The following BLVRB variants were observed in gnomAD, a reference collection of about 807,000 sequenced individuals.
BLVRB encodes the protein flavin reductase (NADPH).
In BLVRB, 25 loss-of-function variants were observed where a neutral mutation model predicts 21.1. The ratio of observed to expected loss-of-function variants is 1.19; its 90% CI spans 0.86 to 1.66. The LOEUF (loss-of-function observed/expected upper bound fraction) is 1.66, where lower values mean the gene tolerates loss of function less well. BLVRB is among the 40% of genes most tolerant of loss of function. BLVRB has a pLI of 0.00. For synonymous variants in BLVRB, 128 were observed against 122.2 expected, an observed-to-expected ratio of 1.05 and a Z score of -0.31; for missense variants, 274 against 282.7, an observed-to-expected ratio of 0.97 and a Z score of 0.22.
intron 4 of BLVRB, 116 bp from the exon 5 acceptor site, chr19:40,448,162 TCA>T (rs2079722671): frequency 8.8e-7 from 1 of 1,137,264 alleles, no homozygotes; most frequent in African/African-American, 1.6e-5. Context: ...CTGGGTGGTG[TCA>T]CAGCCAAGAA....
intron 1 of BLVRB, among the ~76,000 whole-genome samples, chr19:40,463,553 C>A (rs1203054809): frequency 3.5e-5 from 5 of 142,738 alleles, no homozygotes; most frequent in African/African-American, 1.3e-4. Flanking sequence ...CTCCCTCCCT[C>A]CTTCCCTCCC....
At chr19:40,460,741 G>A (rs1387129527) in intron 1 of BLVRB, among the ~76,000 whole-genome samples, 1 of 152,212 alleles carries the variant, frequency 6.6e-6, no homozygotes, top group Non-Finnish European at 1.5e-5. Flanking sequence ...GGGAGGCCAA[G>A]GCAGGTGGAT....
At chr19:40,461,984 T>G (rs554563823) in intron 1 of BLVRB, among the ~76,000 whole-genome samples, 2 of 152,278 alleles carry the variant, frequency 1.3e-5, no homozygotes, top group South Asian at 2.1e-4. Context: ...ACCCTGTGGG[T>G]CCAGGGACTG....
chr19:40,465,402 A>G (rs1381260242), intron 1 of BLVRB, among the ~76,000 whole-genome samples: 3 of 152,164 alleles, frequency 2.0e-5, no homozygotes, highest in Non-Finnish European at 2.9e-5. Flanking sequence ...CCCGGGGCCA[A>G]TTCCTCTCTG....
Position 40,458,362 on chromosome 19 carries a change from C to T in BLVRB, c.244+19G>A, listed in dbSNP as rs867193418. 23 of 1,549,370 alleles carry T rather than the reference C, an allele frequency of 1.5e-5. No individual in the cohort carries two copies. The highest frequency in any genetic ancestry group is 2.0e-4 in the Middle Eastern group (1 of 5,058). ...CCGAGGTGTAGGGGAGGGCCGTGGG[C>T]AGAGGGGGGGCTCAGTACTGAGGTC... On this transcript the variant is annotated intron_variant, in intron 2 of 4. Transcript: ENST00000263368.
intron 1 of BLVRB, among the ~76,000 whole-genome samples, chr19:40,465,360 C>G (rs1244054463): frequency 6.6e-6 from 1 of 152,226 alleles, no homozygotes. Context: ...TGGACTTACA[C>G]ACGACTGTGC....
intron 1 of BLVRB, among the ~76,000 whole-genome samples, chr19:40,463,562 C>T (rs534797335): frequency 1.4e-5 from 2 of 141,366 alleles, no homozygotes; most frequent in African/African-American, 5.2e-5. Flanking sequence ...TCCTTCCCTC[C>T]CTTCTTTCCT....
intron 3 of BLVRB, among the ~76,000 whole-genome samples, chr19:40,454,841 G>A (rs914705336): frequency 6.6e-6 from 1 of 151,740 alleles, no homozygotes; most frequent in African/African-American, 2.4e-5. Context: ...CACAGCACCC[G>A]GCTGTTTTGT....
intron 1 of BLVRB, 152 bp from the exon 2 acceptor site, chr19:40,458,697 GTTTGT>G: frequency 9.1e-7 from 1 of 1,099,686 alleles, no homozygotes; most frequent in South Asian, 1.7e-5. Context: ...TTTTCTTTTT[GTTTGT>G]TTTGTTTTTG....
intron 3 of BLVRB, among the ~76,000 whole-genome samples, chr19:40,456,918 C>T: frequency 6.7e-6 from 1 of 149,792 alleles, no homozygotes; most frequent in Non-Finnish European, 1.5e-5. Flanking sequence ...CAGACTTCAT[C>T]TCAAAGAAAA....
intron 3 of BLVRB, chr19:40,457,882 C>G: frequency 2.4e-6 from 1 of 423,340 alleles, no homozygotes; most frequent in Non-Finnish European, 4.0e-6. Flanking sequence ...ATCCCCTCTG[C>G]CTGCCTCCCG....
intron 4 of BLVRB, chr19:40,450,580 A>G (rs2079735111): frequency 6.7e-6 from 1 of 149,094 alleles, no homozygotes; most frequent in Non-Finnish European, 1.5e-5. Flanking sequence ...ACAGGGTCTC[A>G]CTCTATTACC....
chr19:40,448,634 T>G (rs2079725667), intron 4 of BLVRB, among the ~76,000 whole-genome samples: 1 of 144,102 alleles, frequency 6.9e-6, no homozygotes, highest in Non-Finnish European at 1.5e-5. Flanking sequence ...TATATATATA[T>G]ATATATATAT....
chr19:40,451,534 CTT>C (rs66462314), intron 3 of BLVRB, 42 bp from the exon 4 acceptor site: 188,089 of 1,282,856 alleles, frequency 0.15, 1,279 homozygotes, highest in South Asian at 0.19. Context: ...GCTCTCTTGT[CTT>C]TTTTTTTTTT....
chr19:40,447,880 G>C lies in BLVRB; in HGVS notation c.*9C>G, dbSNP rs1286005672. 1 of 1,611,304 alleles carries C rather than the reference G, an allele frequency of 6.2e-7. No individual in the cohort carries two copies. Among genetic ancestry groups the C allele is most frequent in the Non-Finnish European group, 8.5e-7 (1 of 1,177,776 alleles). ...CCAGAATGCCACCCTCCCAGATGGG[G>C]ACAGAGTGCTACTGGTACTGGTGGG... On this transcript the variant is annotated 3_prime_UTR_variant, in exon 5 of 5. Coordinates refer to ENST00000263368, the MANE Select transcript of BLVRB (RefSeq NM_000713.3).
chr19:40,458,283 C>G, intron 2 of BLVRB, 39 bp from the exon 3 acceptor site: 9 of 978,214 alleles, frequency 9.2e-6, no homozygotes, highest in Non-Finnish European at 1.3e-5. Flanking sequence ...TGGTGGGCGG[C>G]GGCGGCGGCA....
intron 3 of BLVRB, among the ~76,000 whole-genome samples, chr19:40,453,472 G>A (rs1446476295): frequency 6.6e-6 from 1 of 152,062 alleles, no homozygotes; most frequent in Non-Finnish European, 1.5e-5. Context: ...AACATTGTAG[G>A]TACTTACTAA....
At chr19:40,461,585 C>T (rs531902413) in intron 1 of BLVRB, among the ~76,000 whole-genome samples, 3 of 151,848 alleles carry the variant, frequency 2.0e-5, no homozygotes, top group South Asian at 2.1e-4. Context: ...CTGCAACCTC[C>T]GTCTCATGGG....
Position 40,458,444 on chromosome 19 carries a change from C to T in BLVRB, c.181G>A (p.Val61Met), listed in dbSNP as rs1396091678. The change falls in exon 2 of 5, where the codon GTG becomes ATG. Residue 61 changes from valine (V) to methionine (M), a missense_variant. Physicochemically the swap from Val to Met is conservative, Grantham distance 21 (BLOSUM62 1). Transcript: ENST00000263368. Reference protein sequence around the residue: ...VVGDVLQAADVDKTVAGQDAV... With the variant: ...VVGDVLQAADMDKTVAGQDAV... Reference sequence around the variant, plus strand: ...TCCTGCCCAGCCACGGTCTTGTCCACATCGGCTGCCTGCAGAACATCTCCC... The same window carrying T: ...TCCTGCCCAGCCACGGTCTTGTCCATATCGGCTGCCTGCAGAACATCTCCC... 2 of 1,597,826 alleles carry T rather than the reference C, an allele frequency of 1.3e-6. No homozygotes were observed. The highest frequency in any genetic ancestry group is 1.7e-6 in the Non-Finnish European group (2 of 1,172,874).
Sources: allele counts gnomAD v4.1 joint callset (sites outside exome capture counted in the v4.1 genomes callset), GRCh38; gene constraint gnomAD v4.1.1; transcripts MANE v1.5; gene names NCBI Gene and HGNC (gene_info 2026-07-23, HGNC 2026-07-21).